The following ENKUR variants were observed in gnomAD, a reference collection of about 807,000 sequenced individuals.
ENKUR encodes the protein enkurin, TRPC channel interacting protein, also known as enkurin.
Under a neutral mutation model 27.6 loss-of-function variants are expected in ENKUR, and 19 were observed. The ratio of observed to expected loss-of-function variants is 0.69; its 90% CI spans 0.48 to 1.01. ENKUR has a LOEUF of 1.01. ENKUR is among the 50% of genes least tolerant of loss of function. The pLI is 0.00. For missense variants in ENKUR, 312 were observed against 310.5 expected, an observed-to-expected ratio of 1.00 and a Z score of -0.04; for synonymous variants, 117 against 96.9, an observed-to-expected ratio of 1.21 and a Z score of -1.22.
rs1473923222 is a variant in ENKUR at position 24,984,871 on chromosome 10, T to G, written c.629A>C (p.Glu210Ala). 2 of 1,613,594 alleles carry G rather than the reference T, an allele frequency of 1.2e-6. No homozygotes were observed. Among genetic ancestry groups the G allele is most frequent in the African/African-American group, 1.3e-5 (1 of 75,012 alleles). ...TATAAAGACCGAGAGGGACTGGAATTCTTTATGCACCTCTTCCCAGTTCTT... is the reference window on the plus strand; with the variant it reads ...TATAAAGACCGAGAGGGACTGGAATGCTTTATGCACCTCTTCCCAGTTCTT... ...LKKNWEEVHKEFQSLSVFIDS... is the reference protein window; with the variant it reads ...LKKNWEEVHKAFQSLSVFIDS... Residue 210 changes from glutamate to alanine, a missense_variant, in exon 5 of 6, where the codon GAA becomes GCA. Coordinates refer to ENST00000331161, the MANE Select transcript of ENKUR (RefSeq NM_145010.4).
rs757011957 is a variant in ENKUR at position 25,023,854 on chromosome 10, G to T, written c.38-27985C>A. The T allele has an allele frequency of 1.5e-5, 25 of 1,614,098 alleles. No individual in the cohort carries two copies. In the South Asian group the frequency reaches 2.6e-4, roughly 17 times the overall value. On this transcript the variant is annotated intron_variant, in intron 2 of 5. Coordinates refer to the ENKUR transcript ENST00000615958. Reference sequence around the variant, plus strand: ...CTGTGAAAGTGGGGCTTCCCCAGAGGAGGTAGCTGACAAAGTGCTGAATGC... The same window carrying T: ...CTGTGAAAGTGGGGCTTCCCCAGAGTAGGTAGCTGACAAAGTGCTGAATGC...
upstream of ENKUR, among the ~76,000 whole-genome samples, chr10:25,017,016 T>TCGCCCTCC (rs1388216956): frequency 6.6e-6 from 1 of 152,124 alleles, no homozygotes; most frequent in South Asian, 2.1e-4. Context: ...CCTGCTGCGC[T>TCGCCCTCC]CGCCCTCCCG....
intron 2 of ENKUR, among the ~76,000 whole-genome samples, chr10:25,040,236 A>AT (rs1021788516): frequency 1.3e-5 from 2 of 152,188 alleles, no homozygotes; most frequent in African/African-American, 4.8e-5. Flanking sequence ...GGCCAGCTAG[A>AT]TTCAAGGTGT....
At chr10:25,054,997 T>C (rs892079109) in intron 2 of ENKUR, among the ~76,000 whole-genome samples, 1 of 152,174 alleles carries the variant, frequency 6.6e-6, no homozygotes, top group Non-Finnish European at 1.5e-5. Flanking sequence ...TTCTCCATTT[T>C]TGAGGTGAGG....
Position 24,999,483 on chromosome 10 carries a change from T to C in ENKUR, c.141A>G (p.Lys47=), listed in dbSNP as rs1344808249. 6.2e-7 allele frequency: 1 copy of C among 1,613,254 alleles called. No homozygotes were observed. Among genetic ancestry groups the C allele is most frequent in the Non-Finnish European group, 8.5e-7 (1 of 1,179,698 alleles). ...DDMQKAKTAM[K]TMGPAKVEVP... ...CTTCAACTTTTGCTGGTCCCATAGT[T>C]TTCATTGCAGTTTTAGCTTTTTGCA... The change falls in exon 2 of 6, where the codon AAA becomes AAG. Residue 47 remains lysine, a synonymous_variant. Transcript: ENST00000331161.
upstream of ENKUR, among the ~76,000 whole-genome samples, chr10:25,017,612 TAA>T (rs751841894): frequency 1.0e-4 from 15 of 144,848 alleles, no homozygotes; most frequent in Admixed American, 4.4e-4. Context: ...AAGAATACGT[TAA>T]GTTTTTCTTT....
chr10:25,017,705 T>G (rs182168859), upstream of ENKUR, among the ~76,000 whole-genome samples: 59 of 152,246 alleles, frequency 3.9e-4, no homozygotes, highest in Admixed American at 9.8e-4. Flanking sequence ...CACATCAGAT[T>G]GTCTTCCAAA....
intron 2 of ENKUR, chr10:25,025,625 T>G: frequency 1.6e-6 from 1 of 642,128 alleles, no homozygotes; most frequent in South Asian, 2.1e-5. Context: ...TGTCACCTCC[T>G]CAGATCTTTA....
upstream of ENKUR, among the ~76,000 whole-genome samples, chr10:25,017,101 C>CT (rs1850614088): frequency 6.6e-6 from 1 of 152,212 alleles, no homozygotes; most frequent in Admixed American, 6.5e-5. Context: ...GGTCGGGACT[C>CT]TTCCTCTAGG....
At chr10:25,016,454 G>T (rs191564268), upstream of ENKUR, among the ~76,000 whole-genome samples, 15 of 152,348 alleles carry the variant, frequency 9.8e-5, no homozygotes, top group East Asian at 2.9e-3. Context: ...CCCCAATCGC[G>T]GTGTGGGCGG....
chr10:25,031,910 G>A (rs1850939423), intron 2 of ENKUR, among the ~76,000 whole-genome samples: 1 of 151,584 alleles, frequency 6.6e-6, no homozygotes, highest in African/African-American at 2.4e-5. Context: ...ATGGCCTCAA[G>A]TGATCCTCCC....
At chr10:24,996,015 C>T (rs2132687454) in intron 2 of ENKUR, 146 bp from the exon 3 acceptor site, 2 of 609,244 alleles carry the variant, frequency 3.3e-6, no homozygotes, top group South Asian at 3.5e-5. Context: ...TTTATGCTTA[C>T]CCCCAAACTC....
At chr10:24,990,928 C>T (rs1196068585) in intron 3 of ENKUR, among the ~76,000 whole-genome samples, 4 of 152,046 alleles carry the variant, frequency 2.6e-5, no homozygotes, top group African/African-American at 7.2e-5. Flanking sequence ...GGTGAAACCC[C>T]GTCTCTACTA....
intron 2 of ENKUR, among the ~76,000 whole-genome samples, chr10:25,043,986 C>T (rs2130475399): frequency 6.6e-6 from 1 of 151,718 alleles, no homozygotes; most frequent in East Asian, 1.9e-4. Context: ...GTCCCATTTC[C>T]CTATAGATTT....
chr10:25,017,320 A>C (rs1027470840), upstream of ENKUR, among the ~76,000 whole-genome samples: 6 of 152,138 alleles, frequency 3.9e-5, no homozygotes, highest in Non-Finnish European at 5.9e-5. Flanking sequence ...AAAGTCATTT[A>C]GACGCTTTTA....
intron 2 of ENKUR, among the ~76,000 whole-genome samples, chr10:25,040,621 C>T (rs1851053341): frequency 6.6e-6 from 1 of 152,158 alleles, no homozygotes; most frequent in African/African-American, 2.4e-5. Context: ...CCACCCACCT[C>T]GGCCTCCCAA....
intron 2 of ENKUR, among the ~76,000 whole-genome samples, chr10:25,035,097 G>A (rs1000286167): frequency 6.6e-6 from 1 of 152,146 alleles, no homozygotes; most frequent in Non-Finnish European, 1.5e-5. Context: ...TTTGAAAACG[G>A]TTACACATAT....
intron 1 of ENKUR, among the ~76,000 whole-genome samples, chr10:25,004,290 T>G (rs1413201278): frequency 6.6e-6 from 1 of 152,204 alleles, no homozygotes; most frequent in African/African-American, 2.4e-5. Context: ...TGGGTATATA[T>G]CCAGTTATGG....
chr10:24,984,293 T>A lies in ENKUR; in HGVS notation c.*77A>T. 8.6e-6 allele frequency: 13 copies of A among 1,506,304 alleles called. No individual in the cohort carries two copies. The highest frequency in any genetic ancestry group is 6.0e-5 in the Admixed American group (3 of 49,668). The allele number at this position is 1,506,304 out of a possible 1,614,324, so 93.3% of individuals were successfully genotyped here. ...CTCAGAAACAATGTGTTGGAGACAG[T>A]TTAGAGTAGCAAGAAGGCACGTGTT... On this transcript the variant is annotated 3_prime_UTR_variant, in exon 6 of 6. Transcript: ENST00000331161.
Sources: gnomAD v4.1 joint callset for allele counts (sites outside exome capture counted in the v4.1 genomes callset) on GRCh38, gnomAD v4.1.1 for gene constraint, MANE v1.5 for transcripts, NCBI Gene and HGNC (gene_info 2026-07-23, HGNC 2026-07-21) for gene names.